The following ME1 variants were observed in gnomAD, a reference collection of about 807,000 sequenced individuals.
The protein encoded by ME1 is NADP-dependent malic enzyme.
In ME1, 74 loss-of-function variants were observed where a neutral mutation model predicts 66.4. The ratio of observed to expected loss-of-function variants is 1.11; its 90% confidence interval spans 0.92 to 1.35. The LOEUF is 1.35. Among genes scored for constraint, ME1 ranks in the 40% most tolerant of loss-of-function variants. The probability of loss-of-function intolerance (pLI) is 0.00; values close to 1 mark genes in which losing one functional copy is unlikely to be tolerated. For synonymous variants in ME1, 251 were observed against 235.6 expected, an observed-to-expected ratio of 1.07 and a Z score of -0.60; for missense variants, 750 against 694.1, an observed-to-expected ratio of 1.08 and a Z score of -0.90.
At chr6:83,237,896 A>AC in intron 8 of ME1, 66 bp from the exon 9 acceptor site, 1 of 775,952 alleles carries the variant, frequency 1.3e-6, no homozygotes, top group Non-Finnish European at 2.0e-6. Context: ...GTTACATTTC[A>AC]CCCCATTTTG....
intron 6 of ME1, among the ~76,000 whole-genome samples, chr6:83,293,897 T>C (rs1767549510): frequency 6.6e-6 from 1 of 152,228 alleles, no homozygotes; most frequent in Non-Finnish European, 1.5e-5. Context: ...CTTTCGCATT[T>C]AGTTGTAGCA....
At position 83,235,637 on chromosome 6, in the gene ME1, A is replaced by AT. The variant is rs1286576482; in HGVS notation, c.1026+2079dup. 5.3e-5 allele frequency among the ~76,000 whole-genome samples: 8 copies of AT among 151,366 alleles called. No individual in the cohort carries two copies. In the East Asian group the frequency reaches 7.8e-4, roughly 15 times the overall value. ...AGGCGCCCACCACCATGCCCAGCTAATTTTTTTTGTATTTTTAGTAGAGAC... is the reference window on the plus strand; with the variant it reads ...AGGCGCCCACCACCATGCCCAGCTAATTTTTTTTTGTATTTTTAGTAGAGAC... On this transcript the variant is annotated intron_variant, in intron 9 of 13. Transcript: ENST00000369705.
intron 7 of ME1, among the ~76,000 whole-genome samples, chr6:83,241,138 C>T (rs1583335198): frequency 6.6e-6 from 1 of 152,124 alleles, no homozygotes; most frequent in East Asian, 1.9e-4. Flanking sequence ...AGTCATTAAA[C>T]AGATGAAAGA....
At chr6:83,304,436 C>A (rs1288391206) in intron 6 of ME1, among the ~76,000 whole-genome samples, 2 of 152,334 alleles carry the variant, frequency 1.3e-5, no homozygotes, top group African/African-American at 4.8e-5. Flanking sequence ...AACCTGTGCT[C>A]AGTAGGATGA....
chr6:83,352,292 G>A (rs115926557), intron 3 of ME1, among the ~76,000 whole-genome samples, 153 bp from the exon 4 acceptor site: 133 of 151,928 alleles, frequency 8.8e-4, no homozygotes, highest in African/African-American at 3.1e-3. Flanking sequence ...CAAATAAGGG[G>A]CAGGAATTCT....
chr6:83,395,251 C>CT (rs1769706154), intron 3 of ME1, among the ~76,000 whole-genome samples: 1 of 151,648 alleles, frequency 6.6e-6, no homozygotes, highest in African/African-American at 2.4e-5. Context: ...CCACGCTCAG[C>CT]AATTTTTGTA....
intron 5 of ME1, among the ~76,000 whole-genome samples, chr6:83,327,870 C>G (rs1412787346): frequency 6.6e-6 from 1 of 152,106 alleles, no homozygotes; most frequent in African/African-American, 2.4e-5. Context: ...CCCGGATGCC[C>G]AGCTTTAAAA....
chr6:83,420,448 C>A (rs151089154), intron 1 of ME1, among the ~76,000 whole-genome samples: 3 of 152,292 alleles, frequency 2.0e-5, no homozygotes, highest in Admixed American at 1.3e-4. Context: ...AAAAGAGAAG[C>A]CTACGTTCCT....
chr6:83,322,143 G>A (rs886779688), intron 5 of ME1, among the ~76,000 whole-genome samples: 3 of 152,100 alleles, frequency 2.0e-5, no homozygotes, highest in African/African-American at 4.8e-5. Flanking sequence ...AAAACCCCAC[G>A]CGAAGGTCAC....
At chr6:83,359,158 CAG>C in intron 3 of ME1, among the ~76,000 whole-genome samples, 1 of 151,398 alleles carries the variant, frequency 6.6e-6, no homozygotes, top group African/African-American at 2.4e-5. Flanking sequence ...ACTTCCCAGA[CAG>C]GGTGGTCGGG....
At chr6:83,300,072 T>C (rs1408675233) in intron 6 of ME1, among the ~76,000 whole-genome samples, 2 of 152,124 alleles carry the variant, frequency 1.3e-5, no homozygotes, top group African/African-American at 4.8e-5. Flanking sequence ...CTTTTTCTGT[T>C]GGTTTTCTGC....
Position 83,227,347 on chromosome 6 carries a change from G to T in ME1, c.1263C>A (p.Tyr421Ter). 1.9e-6 allele frequency: 3 copies of T among 1,543,888 alleles called. No individual in the cohort carries two copies. Among genetic ancestry groups the T allele is most frequent in the East Asian group, 2.3e-5 (1 of 42,798 alleles). Residue 421 changes from tyrosine to a stop codon, truncating the protein, a stop_gained, in exon 11 of 14, where the codon TAC becomes TAA. Coordinates refer to ENST00000369705, the MANE Select transcript of ME1 (RefSeq NM_002395.6). LOFTEE classifies it high-confidence loss of function. Reference protein sequence around the residue: ...SKAECSAEQCYKITKGRAIFA... With the variant: ...SKAECSAEQC ...AGTTTTACTTTACCTTGGTTATTTT[G>T]TAGCACTGCTCTGCAGAACATTCTG...
chr6:83,340,058 G>A (rs117945407), intron 5 of ME1, among the ~76,000 whole-genome samples: 3,907 of 152,006 alleles, frequency 0.026, 80 homozygotes, highest in South Asian at 0.037. Flanking sequence ...CTGTGAATGA[G>A]TTAATTTTTA....
At chr6:83,377,220 A>C (rs1025828855) in intron 3 of ME1, among the ~76,000 whole-genome samples, 2 of 152,230 alleles carry the variant, frequency 1.3e-5, no homozygotes, top group Non-Finnish European at 1.5e-5. Context: ...TGGGGTAACA[A>C]ATCCTTTTGA....
intron 5 of ME1, among the ~76,000 whole-genome samples, chr6:83,316,089 GA>G (rs1334094260): frequency 6.6e-6 from 1 of 152,018 alleles, no homozygotes; most frequent in African/African-American, 2.4e-5. Context: ...TTAGCTTAAG[GA>G]ATGGAAAGAT....
intron 6 of ME1, among the ~76,000 whole-genome samples, chr6:83,301,802 C>G (rs1767726207): frequency 6.6e-6 from 1 of 152,096 alleles, no homozygotes; most frequent in Non-Finnish European, 1.5e-5. Context: ...AAACACAGAT[C>G]CTGGTGTACT....
In ME1 at chr6:83,243,601, TA is replaced by T. The variant is rs1280054212; in HGVS notation, c.815-3966del. 2.2e-3 allele frequency among the ~76,000 whole-genome samples: 210 copies of T among 93,520 alleles called. 7 individuals are homozygous for T. The highest frequency in any genetic ancestry group is 7.0e-3 in the East Asian group (25 of 3,592). The allele number at this position is 93,520 out of a possible 152,430, so 61.4% of individuals were successfully genotyped here. ...TACATTATATCGATATAATCTATTA[TA>T]ATTACATTATATCGATATAATCTAT... On this transcript the variant is annotated intron_variant, in intron 7 of 13. Transcript: ENST00000369705.
At chr6:83,301,344 T>C (rs1016459731) in intron 6 of ME1, among the ~76,000 whole-genome samples, 3 of 150,710 alleles carry the variant, frequency 2.0e-5, no homozygotes, top group African/African-American at 4.9e-5. Context: ...CTCTCTTTCT[T>C]TCTTTCTTTC....
chr6:83,398,543 T>A (rs756990171), intron 2 of ME1, 27 bp from the exon 3 acceptor site: 2 of 1,302,998 alleles, frequency 1.5e-6, no homozygotes, highest in Admixed American at 4.6e-5. Context: ...TAATTAGATC[T>A]ACATCCCATA....
Sources: allele counts gnomAD v4.1 joint callset (sites outside exome capture counted in the v4.1 genomes callset), GRCh38; gene constraint gnomAD v4.1.1; transcripts MANE v1.5; gene names NCBI Gene and HGNC (gene_info 2026-07-23, HGNC 2026-07-21).